PTCHD4: variants seen among roughly 807,000 people sequenced by gnomAD.
PTCHD4 encodes patched domain containing 4, also known as patched domain-containing protein 4.
PTCHD4 carries 33 observed loss-of-function variants against 58.1 expected under a neutral mutation model. The ratio of observed to expected loss-of-function variants is 0.57; its 90% CI spans 0.43 to 0.76. The LOEUF (loss-of-function observed/expected upper bound fraction) is 0.76. Among genes scored for constraint, PTCHD4 ranks in the 30% least tolerant of loss-of-function variants. The pLI is 0.00. For synonymous variants in PTCHD4, 478 were observed against 409.6 expected, an observed-to-expected ratio of 1.17 and a Z score of -2.02; for missense variants, 1,058 against 1,027.1, an observed-to-expected ratio of 1.03 and a Z score of -0.41.
intron 4 of PTCHD4, among the ~76,000 whole-genome samples, chr6:47,953,415 A>G (rs566280308): frequency 6.6e-6 from 1 of 152,154 alleles, no homozygotes; most frequent in Non-Finnish European, 1.5e-5. Context: ...TCATCTTTGT[A>G]CACATCAGTA....
chr6:48,048,615 T>C (rs1405103580), intron 3 of PTCHD4, among the ~76,000 whole-genome samples: 1 of 151,886 alleles, frequency 6.6e-6, no homozygotes, highest in East Asian at 1.9e-4. Context: ...TTTGTGCCAG[T>C]GACTAGGTTT....
intron 3 of PTCHD4, among the ~76,000 whole-genome samples, chr6:48,022,889 T>C (rs567451439): frequency 1.6e-4 from 24 of 152,216 alleles, no homozygotes; most frequent in Middle Eastern, 6.8e-3. Context: ...ACTTAGAAAA[T>C]AATTCTTTGT....
In PTCHD4 at chr6:47,879,878, G is replaced by T. The variant is rs371016696; in HGVS notation, c.957C>A (p.Asn319Lys). ...CTGCTATCCTGTCTTTGAAGGGCAA[G>T]TTCTCTTTGGTTCTCCGCCATCCGG... The part of the protein sequence containing the change: ...LLSGWRRTKE[N>K]LPFKDRIADA... Residue 319 changes from asparagine (N) to lysine (K), a missense_variant, in exon 5 of 5, where the codon AAC becomes AAA. By Grantham distance (94) the Asn-to-Lys change is moderately conservative. Transcript: ENST00000339488. 1.9e-6 allele frequency: 3 copies of T among 1,589,532 alleles called. No individual in the cohort carries two copies. The African/African-American group carries it at 4.0e-5, about 21-fold the overall frequency.
Position 48,039,406 on chromosome 6 carries a change from A to T in PTCHD4, c.417+28824T>A, listed in dbSNP as rs575428072. ...CTATAAAAGAAAATAAGGGAAAGAG[A>T]TGGTCACTAAAGTCATACTTCCTTG... On this transcript the variant is annotated intron_variant, in intron 3 of 4. Coordinates refer to ENST00000339488, the MANE Select transcript of PTCHD4 (RefSeq NM_001384253.1). Among the ~76,000 whole-genome samples, 10 of 152,188 alleles carry T rather than the reference A, an allele frequency of 6.6e-5. No homozygotes were observed. In the South Asian group the frequency reaches 1.5e-3, roughly 22 times the overall value.
chr6:48,079,568 G>T (rs547129301), intron 1 of PTCHD4, among the ~76,000 whole-genome samples: 45 of 151,368 alleles, frequency 3.0e-4, no homozygotes, highest in Non-Finnish European at 5.4e-4. Context: ...AGGAGAAAAA[G>T]GCAGTGAGAA....
At chr6:47,887,616 A>C (rs1764233342) in intron 4 of PTCHD4, among the ~76,000 whole-genome samples, 1 of 152,220 alleles carries the variant, frequency 6.6e-6, no homozygotes, top group African/African-American at 2.4e-5. Flanking sequence ...ATATGAAATG[A>C]AATTACTTGT....
At chr6:47,916,038 A>G (rs1456147379) in intron 4 of PTCHD4, among the ~76,000 whole-genome samples, 1 of 152,118 alleles carries the variant, frequency 6.6e-6, no homozygotes, top group Non-Finnish European at 1.5e-5. Context: ...ATGTGTGTTC[A>G]TGCCCTGAAG....
At chr6:47,894,336 G>A (rs1211572587) in intron 4 of PTCHD4, among the ~76,000 whole-genome samples, 7 of 152,254 alleles carry the variant, frequency 4.6e-5, no homozygotes, top group Admixed American at 2.0e-4. Flanking sequence ...AATTCTTGAA[G>A]TCAGGGAATT....
At chr6:47,932,539 A>C (rs527617495) in intron 4 of PTCHD4, among the ~76,000 whole-genome samples, 1 of 152,234 alleles carries the variant, frequency 6.6e-6, no homozygotes, top group African/African-American at 2.4e-5. Context: ...TAAAAGGTAC[A>C]TGGTGTGATT....
intron 1 of PTCHD4, among the ~76,000 whole-genome samples, chr6:48,107,239 G>C (rs545072457): frequency 6.6e-6 from 1 of 152,204 alleles, no homozygotes; most frequent in South Asian, 2.1e-4. Flanking sequence ...CATGGTACTC[G>C]TACCAAAACA....
At chr6:48,022,352 C>T (rs1434751209) in intron 3 of PTCHD4, among the ~76,000 whole-genome samples, 1 of 151,810 alleles carries the variant, frequency 6.6e-6, no homozygotes, top group African/African-American at 2.4e-5. Context: ...AAGAATACAA[C>T]ACTTGCTTAA....
At chr6:47,926,960 G>A (rs991306605) in intron 4 of PTCHD4, among the ~76,000 whole-genome samples, 1 of 152,172 alleles carries the variant, frequency 6.6e-6, no homozygotes, top group Non-Finnish European at 1.5e-5. Context: ...CATTTAGTGG[G>A]AGGCCAGTAG....
chr6:47,899,640 T>C (rs1764635675), intron 4 of PTCHD4: 1 of 785,488 alleles, frequency 1.3e-6, no homozygotes, highest in Non-Finnish European at 1.5e-6. Flanking sequence ...TGTGATATAA[T>C]GCCAAGCAAT....
chr6:47,884,995 G>A (rs1280813138), intron 4 of PTCHD4, among the ~76,000 whole-genome samples: 1 of 152,084 alleles, frequency 6.6e-6, no homozygotes, highest in East Asian at 1.9e-4. Context: ...ATAGCGAGCT[G>A]GTATACTATT....
chr6:47,932,755 C>A (rs1311231278), intron 4 of PTCHD4, among the ~76,000 whole-genome samples: 1 of 152,238 alleles, frequency 6.6e-6, no homozygotes, highest in East Asian at 1.9e-4. Flanking sequence ...GGAGCACGGG[C>A]TGCAGACAGC....
At chr6:48,023,698 C>A (rs1370102292) in intron 3 of PTCHD4, among the ~76,000 whole-genome samples, 1 of 152,156 alleles carries the variant, frequency 6.6e-6, no homozygotes, top group Non-Finnish European at 1.5e-5. Flanking sequence ...CTAGTCTCAG[C>A]AGCTCGGTTT....
Position 48,008,812 on chromosome 6 carries a change from C to T in PTCHD4, c.720G>A (p.Leu240=), listed in dbSNP as rs762112447. ...TGGAGAGGGTGGCTGTGGTCAGGATCAGCACGAGGCTCACCAGGACCTTGC... is the reference window on the plus strand; with the variant it reads ...TGGAGAGGGTGGCTGTGGTCAGGATTAGCACGAGGCTCACCAGGACCTTGC... ...ARSKVLVSLV[L]ILTTATLSSS... Residue 240 remains leucine, a synonymous_variant, in exon 4 of 5, where the codon CTG becomes CTA. Transcript: ENST00000339488. The T allele has an allele frequency of 1.2e-6, 2 of 1,614,000 alleles. No individual in the cohort carries two copies. Among genetic ancestry groups the T allele is most frequent in the South Asian group, 2.2e-5 (2 of 91,076 alleles).
rs1319191974 is a variant in PTCHD4 at position 48,019,474 on chromosome 6, C to T, written c.418-10360G>A. 9.9e-5 allele frequency among the ~76,000 whole-genome samples: 15 copies of T among 152,200 alleles called. No individual in the cohort carries two copies. In the South Asian group the frequency reaches 1.5e-3, roughly 15 times the overall value. On this transcript the variant is annotated intron_variant, in intron 3 of 4. Transcript: ENST00000339488. ...AGTACTGGCCGGGCGCTGTGGCTCACGCCTGTAATCCCAGCATTTTGGGAG... is the reference window on the plus strand; with the variant it reads ...AGTACTGGCCGGGCGCTGTGGCTCATGCCTGTAATCCCAGCATTTTGGGAG...
chr6:48,009,282 C>A (rs2753194), intron 3 of PTCHD4, among the ~76,000 whole-genome samples, 168 bp from the exon 4 acceptor site: 107,126 of 152,094 alleles, frequency 0.7, 37,792 homozygotes, highest in East Asian at 0.84. Context: ...TTTGGAGCTA[C>A]ATGGGATACC....
Sources: gnomAD v4.1 joint callset for allele counts (sites outside exome capture counted in the v4.1 genomes callset) on GRCh38, gnomAD v4.1.1 for gene constraint, MANE v1.5 for transcripts, NCBI Gene and HGNC (gene_info 2026-07-23, HGNC 2026-07-21) for gene names.